ANO4: variants seen among roughly 807,000 people sequenced by gnomAD.
ANO4 encodes anoctamin-4.
A neutral mutation model predicts 141.9 loss-of-function variants in ANO4; 69 were observed. That is an observed-to-expected ratio of 0.49 (90% CI 0.40 to 0.59). The LOEUF (loss-of-function observed/expected upper bound fraction) is 0.59, where lower values mean the gene tolerates loss of function less well. Ranked by LOEUF, ANO4 falls within the 20% of genes least tolerant of loss-of-function variation. ANO4 has a pLI of 0.00. For synonymous variants in ANO4, 350 were observed against 394.3 expected (o/e 0.89, Z 1.33); for missense variants, 894 against 1,162.2 (o/e 0.77, Z 3.36).
chr12:100,787,038 G>A (rs530090053), intron 3 of ANO4, among the ~76,000 whole-genome samples: 1 of 152,286 alleles, frequency 6.6e-6, no homozygotes, highest in Non-Finnish European at 1.5e-5. Flanking sequence ...GACACACAGA[G>A]ACATCCAGTC....
At chr12:100,978,744 G>A (rs1166346441) in intron 7 of ANO4, among the ~76,000 whole-genome samples, 1 of 152,234 alleles carries the variant, frequency 6.6e-6, no homozygotes, top group Admixed American at 6.5e-5. Flanking sequence ...CAGAGTTGAG[G>A]AGAATGAGGT....
At chr12:100,789,459 CAAT>C (rs2033971989) in intron 3 of ANO4, among the ~76,000 whole-genome samples, 1 of 152,208 alleles carries the variant, frequency 6.6e-6, no homozygotes, top group Non-Finnish European at 1.5e-5. Context: ...AATTATAAAG[CAAT>C]GATGACAACG....
At chr12:101,073,026 C>T (rs2136813379) in intron 14 of ANO4, among the ~76,000 whole-genome samples, 1 of 152,290 alleles carries the variant, frequency 6.6e-6, no homozygotes, top group South Asian at 2.1e-4. Flanking sequence ...GACAGTGTGG[C>T]AATTCCTCAA....
At chr12:100,737,954 AG>A (rs766012670) in intron 2 of ANO4, among the ~76,000 whole-genome samples, 2 of 152,128 alleles carry the variant, frequency 1.3e-5, no homozygotes, top group African/African-American at 4.8e-5. Flanking sequence ...TGCCCAAAGC[AG>A]GGGGGTCAAA....
intron 1 of ANO4, among the ~76,000 whole-genome samples, chr12:100,803,728 C>T (rs2034829532): frequency 6.6e-6 from 1 of 152,036 alleles, no homozygotes; most frequent in South Asian, 2.1e-4. Flanking sequence ...CATCATTGTC[C>T]TCAATTATAA....
At chr12:100,828,215 T>C (rs559229141) in intron 1 of ANO4, among the ~76,000 whole-genome samples, 6 of 152,184 alleles carry the variant, frequency 3.9e-5, no homozygotes, top group African/African-American at 1.4e-4. Flanking sequence ...AAAACTAACA[T>C]TTATTTAATA....
chr12:101,056,771 A>C, intron 14 of ANO4, among the ~76,000 whole-genome samples: 2 of 151,736 alleles, frequency 1.3e-5, no homozygotes. Context: ...ATTATTAGGA[A>C]CTGAGGGTTT....
In ANO4 at chr12:101,103,180, AT is replaced by A. The variant is rs879556849; in HGVS notation, c.2149+3464del. 1.3e-3 allele frequency among the ~76,000 whole-genome samples: 26 copies of A among 19,330 alleles called. 1 individual carries two copies. The highest frequency in any genetic ancestry group is 4.9e-3 in the African/African-American group (22 of 4,466). 12.7% of individuals were successfully genotyped at this position (19,330 alleles called of 152,430 possible). On this transcript the variant is annotated intron_variant, in intron 22 of 27. Transcript: ENST00000392977. The stretch of plus-strand genomic sequence containing the variant: ...TAACTTTACATTTTCCTTTTTAGTC[AT>A]TTTATATATATATATATATATATAT...
intron 3 of ANO4, among the ~76,000 whole-genome samples, chr12:100,769,659 C>A (rs931178396): frequency 1.3e-5 from 2 of 152,122 alleles, no homozygotes; most frequent in African/African-American, 4.8e-5. Flanking sequence ...TAAGTCAGTT[C>A]TTTGGACATA....
chr12:101,029,018 G>A (rs1339099602), intron 9 of ANO4, among the ~76,000 whole-genome samples: 1 of 152,182 alleles, frequency 6.6e-6, no homozygotes, highest in South Asian at 2.1e-4. Context: ...GAGATTGGGG[G>A]CCAGTATTCA....
chr12:100,900,663 A>G (rs2136025238), intron 1 of ANO4, among the ~76,000 whole-genome samples: 1 of 152,324 alleles, frequency 6.6e-6, no homozygotes, highest in South Asian at 2.1e-4. Context: ...CTTTATAGGG[A>G]CATGGATGAA....
At chr12:100,973,646 T>A (rs935838317) in intron 6 of ANO4, among the ~76,000 whole-genome samples, 1 of 152,220 alleles carries the variant, frequency 6.6e-6, no homozygotes, top group African/African-American at 2.4e-5. Context: ...GTTTCTTTAT[T>A]ATTAACATTT....
chr12:100,854,689 A>G (rs2038071339), intron 1 of ANO4, among the ~76,000 whole-genome samples: 1 of 151,916 alleles, frequency 6.6e-6, no homozygotes, highest in Non-Finnish European at 1.5e-5. Flanking sequence ...AGTCCTTTCT[A>G]CTCATTCACT....
intron 8 of ANO4, among the ~76,000 whole-genome samples, chr12:101,005,408 A>T (rs1270205023): frequency 6.6e-6 from 1 of 152,228 alleles, no homozygotes; most frequent in Admixed American, 6.5e-5. Context: ...TGTCTATCTC[A>T]GTTGAGTCTG....
chr12:101,015,607 A>C (rs2046285151), intron 8 of ANO4, among the ~76,000 whole-genome samples: 1 of 152,194 alleles, frequency 6.6e-6, no homozygotes, highest in African/African-American at 2.4e-5. Flanking sequence ...GGGTAAGTAT[A>C]TTTGTAGAAT....
At chr12:101,116,382 A>G (rs760681122) in intron 24 of ANO4, among the ~76,000 whole-genome samples, 2 of 152,210 alleles carry the variant, frequency 1.3e-5, no homozygotes, top group African/African-American at 2.4e-5. Flanking sequence ...CTTACATACA[A>G]TTTATGCCCA....
At chr12:100,973,479 T>G (rs1338917192) in intron 6 of ANO4, among the ~76,000 whole-genome samples, 1 of 152,208 alleles carries the variant, frequency 6.6e-6, no homozygotes, top group African/African-American at 2.4e-5. Context: ...AATAGATTTC[T>G]TATGAGAAAT....
intron 2 of ANO4, among the ~76,000 whole-genome samples, chr12:100,736,811 A>G (rs1013794048): frequency 2.6e-5 from 4 of 152,132 alleles, no homozygotes; most frequent in African/African-American, 9.7e-5. Flanking sequence ...TGAGTGATGC[A>G]TCTCCAAGCC....
chr12:101,037,291 A>G (rs2047238361), intron 10 of ANO4, 141 bp downstream of exon 10: 1 of 781,456 alleles, frequency 1.3e-6, no homozygotes, highest in South Asian at 1.8e-5. Flanking sequence ...GGGAGGGTCT[A>G]CTTCAATTGT....
Sources: gnomAD v4.1 joint callset for allele counts (sites outside exome capture counted in the v4.1 genomes callset) on GRCh38, gnomAD v4.1.1 for gene constraint, MANE v1.5 for transcripts, NCBI Gene and HGNC (gene_info 2026-07-23, HGNC 2026-07-21) for gene names.